Variants in DIAPH3 observed in about 807,000 individuals in gnomAD.
DIAPH3 encodes the protein diaphanous related formin 3.
In DIAPH3, 117 loss-of-function variants were observed where a neutral mutation model predicts 144.3. The observed-to-expected ratio is 0.81, with a 90% CI of 0.70 to 0.95. DIAPH3 has a LOEUF of 0.95. DIAPH3 is among the 40% of genes least tolerant of loss of function. The pLI, the probability that DIAPH3 is intolerant of heterozygous loss-of-function variation, is 0.00. For missense variants in DIAPH3, 1,421 were observed against 1,412.7 expected (o/e 1.01, Z -0.09); for synonymous variants, 519 against 488.9 (o/e 1.06, Z -0.81).
At chr13:59,918,857 T>C (rs1016915458) in intron 18 of DIAPH3, among the ~76,000 whole-genome samples, 14 of 150,830 alleles carry the variant, frequency 9.3e-5, no homozygotes, top group Admixed American at 7.3e-4. Flanking sequence ...CTGCCAGTGA[T>C]GTACACTAGA....
chr13:60,142,566 G>A (rs2059446750), intron 1 of DIAPH3, among the ~76,000 whole-genome samples: 2 of 152,098 alleles, frequency 1.3e-5, no homozygotes, highest in South Asian at 2.1e-4. Flanking sequence ...CCCCCAAGAG[G>A]TCTACATGCA....
chr13:59,704,680 C>T (rs1377687295), intron 27 of DIAPH3, among the ~76,000 whole-genome samples: 2 of 152,172 alleles, frequency 1.3e-5, no homozygotes, highest in Non-Finnish European at 2.9e-5. Flanking sequence ...TAATCGGCTA[C>T]AGTATTCAGC....
At chr13:59,940,379 A>T (rs1038773796) in intron 17 of DIAPH3, among the ~76,000 whole-genome samples, 2 of 152,176 alleles carry the variant, frequency 1.3e-5, no homozygotes, top group Non-Finnish European at 2.9e-5. Flanking sequence ...TAAATGCTTC[A>T]TGAAAATGTC....
intron 21 of DIAPH3, among the ~76,000 whole-genome samples, chr13:59,878,574 C>T (rs879389734): frequency 5.3e-5 from 8 of 152,010 alleles, no homozygotes; most frequent in Non-Finnish European, 8.8e-5. Context: ...ATTACTATGG[C>T]CCACTCCTCA....
chr13:59,803,223 T>A (rs557901695), intron 25 of DIAPH3, among the ~76,000 whole-genome samples: 16 of 152,306 alleles, frequency 1.1e-4, no homozygotes, highest in African/African-American at 3.8e-4. Context: ...CTGATTGGTA[T>A]GATTTTTTTG....
At chr13:59,821,167 C>A (rs988595977) in intron 24 of DIAPH3, among the ~76,000 whole-genome samples, 3 of 151,960 alleles carry the variant, frequency 2.0e-5, no homozygotes, top group African/African-American at 2.4e-5. Flanking sequence ...TGTCTCAAGT[C>A]CCTAAAATGA....
At chr13:59,799,033 A>G (rs2039756564) in intron 25 of DIAPH3, among the ~76,000 whole-genome samples, 1 of 152,114 alleles carries the variant, frequency 6.6e-6, no homozygotes, top group Admixed American at 6.5e-5. Context: ...AAGAAAAAAA[A>G]AGTTCACTAA....
At chr13:60,120,674 T>C (rs2058822352) in intron 2 of DIAPH3, among the ~76,000 whole-genome samples, 1 of 152,218 alleles carries the variant, frequency 6.6e-6, no homozygotes, top group African/African-American at 2.4e-5. Context: ...TAAAGCCAGC[T>C]GTCATGCCAT....
At chr13:60,157,166 A>G (rs1158905863) in intron 1 of DIAPH3, among the ~76,000 whole-genome samples, 1 of 151,730 alleles carries the variant, frequency 6.6e-6, no homozygotes, top group Non-Finnish European at 1.5e-5. Context: ...GCTGTCATCG[A>G]ACTCCTGGCC....
chr13:60,046,327 C>G (rs2056063337), intron 4 of DIAPH3, among the ~76,000 whole-genome samples: 1 of 152,132 alleles, frequency 6.6e-6, no homozygotes. Flanking sequence ...TAAACAGACA[C>G]TTTTCAACGG....
At chr13:59,929,620 C>T (rs1234961382) in intron 17 of DIAPH3, among the ~76,000 whole-genome samples, 4 of 133,542 alleles carry the variant, frequency 3.0e-5, no homozygotes, top group South Asian at 2.3e-4. Context: ...CAGAGTGCAG[C>T]GGTGTGATCT....
chr13:59,672,404 T>G (rs373841532), intron 27 of DIAPH3, among the ~76,000 whole-genome samples: 1 of 152,174 alleles, frequency 6.6e-6, no homozygotes, highest in Non-Finnish European at 1.5e-5. Flanking sequence ...GTGTCCTAAA[T>G]TGACTCCATC....
At chr13:59,807,129 C>T (rs1388324525) in intron 25 of DIAPH3, among the ~76,000 whole-genome samples, 1 of 151,700 alleles carries the variant, frequency 6.6e-6, no homozygotes. Context: ...GGTTATATGA[C>T]TCACTTGGTA....
At chr13:59,830,991 G>T (rs749591139) in intron 24 of DIAPH3, among the ~76,000 whole-genome samples, 1 of 151,666 alleles carries the variant, frequency 6.6e-6, no homozygotes, top group Non-Finnish European at 1.5e-5. Context: ...TAAGAGTTAG[G>T]GCCCTTAAAG....
At chr13:59,947,049 T>C (rs1444094486) in intron 17 of DIAPH3, among the ~76,000 whole-genome samples, 2 of 152,186 alleles carry the variant, frequency 1.3e-5, no homozygotes, top group African/African-American at 4.8e-5. Context: ...GTCTGAACAT[T>C]CATAGGAAAG....
In DIAPH3 at chr13:59,879,386, T is replaced by A; in HGVS notation, c.2450A>T (p.Lys817Ile). ...LQFEEQVNNI[K>I]PDIMAVSTAC... ...AGTACTGACAGCCATGATGTCAGGT[T>A]TGATGTTGTTCACCTGCTCTTCAAA... Residue 817 changes from lysine to isoleucine, a missense_variant, in exon 21 of 28, where the codon AAA becomes ATA. Transcript: ENST00000400324. 2 of 1,613,894 alleles carry A rather than the reference T, an allele frequency of 1.2e-6. No homozygotes were observed. Among genetic ancestry groups the A allele is most frequent in the Non-Finnish European group, 1.7e-6 (2 of 1,179,858 alleles).
chr13:59,876,238 A>G (rs1015766153), intron 21 of DIAPH3, among the ~76,000 whole-genome samples: 2 of 152,198 alleles, frequency 1.3e-5, no homozygotes, highest in Non-Finnish European at 2.9e-5. Flanking sequence ...TACTTCTGAT[A>G]ACAAATATGA....
chr13:59,693,389 A>T (rs1279147805), intron 27 of DIAPH3, among the ~76,000 whole-genome samples: 4 of 152,212 alleles, frequency 2.6e-5, no homozygotes, highest in Admixed American at 2.0e-4. Flanking sequence ...AAGCTCTTTG[A>T]TATCATGAAA....
chr13:60,057,115 G>A (rs919059817), intron 4 of DIAPH3, among the ~76,000 whole-genome samples: 3 of 151,704 alleles, frequency 2.0e-5, no homozygotes, highest in Admixed American at 6.6e-5. Flanking sequence ...AACTATCTCC[G>A]TTTGTTGATG....
Sources: allele counts gnomAD v4.1 joint callset (sites outside exome capture counted in the v4.1 genomes callset), GRCh38; gene constraint gnomAD v4.1.1; transcripts MANE v1.5; gene names NCBI Gene and HGNC (gene_info 2026-07-23, HGNC 2026-07-21).